Variants in KLHL20 observed in about 807,000 individuals in gnomAD.
The protein encoded by KLHL20 is kelch like family member 20.
Under a neutral mutation model 69.5 loss-of-function variants are expected in KLHL20, and 29 were observed. That is an observed-to-expected ratio of 0.42 (90% CI 0.31 to 0.57). The LOEUF (loss-of-function observed/expected upper bound fraction) is 0.57, where lower values mean the gene tolerates loss of function less well. KLHL20 is among the 20% of genes least tolerant of loss of function. The pLI is 0.18. For missense variants in KLHL20, 419 were observed against 776.0 expected (o/e 0.54, Z 5.47); for synonymous variants, 253 against 265.2 (o/e 0.95, Z 0.45).
At chr1:173,770,629 G>A (rs1299593654) in intron 8 of KLHL20, among the ~76,000 whole-genome samples, 1 of 149,398 alleles carries the variant, frequency 6.7e-6, no homozygotes, top group Non-Finnish European at 1.5e-5. Context: ...GCAGTGAGCC[G>A]AGGTCGCACC....
rs764762065 is a variant in KLHL20 at position 173,775,788 on chromosome 1, C to T, written c.1584C>T (p.Asn528=). The T allele has an allele frequency of 1.2e-6, 2 of 1,614,144 alleles. No homozygotes were observed. The highest frequency in any genetic ancestry group is 1.1e-5 in the South Asian group (1 of 91,076). ...AGCTGAGCAGTGCTGAGAGATACAA[C>T]CCCAGAACCAACCAGTGGTCTCCAG... is the stretch of plus-strand genomic sequence containing the variant. The part of the protein sequence containing the change: ...TTELSSAERY[N]PRTNQWSPVV... Residue 528 remains asparagine, a synonymous_variant, in exon 10 of 12, where the codon AAC becomes AAT. Coordinates refer to ENST00000209884, the MANE Select transcript of KLHL20 (RefSeq NM_014458.4).
chr1:173,743,146 G>A (rs1672903545), intron 3 of KLHL20, among the ~76,000 whole-genome samples: 4 of 146,092 alleles, frequency 2.7e-5, no homozygotes, highest in Admixed American at 6.8e-5. Context: ...GTGGTCAAAT[G>A]GAAAATAAAC....
At chr1:173,739,176 G>A (rs1299574264) in intron 3 of KLHL20, among the ~76,000 whole-genome samples, 2 of 151,888 alleles carry the variant, frequency 1.3e-5, no homozygotes, top group Non-Finnish European at 1.5e-5. Context: ...ACATTCAAGC[G>A]ATTCTCCTGC....
chr1:173,776,690 A>G (rs1648494974), intron 10 of KLHL20, among the ~76,000 whole-genome samples: 1 of 152,160 alleles, frequency 6.6e-6, no homozygotes, highest in African/African-American at 2.4e-5. Context: ...TTTCCCCAAT[A>G]TACGTTCCTA....
chr1:173,726,709 TAACA>T (rs1415718978), intron 2 of KLHL20, among the ~76,000 whole-genome samples: 1 of 152,056 alleles, frequency 6.6e-6, no homozygotes, highest in Non-Finnish European at 1.5e-5. Context: ...GAAGGAAAAC[TAACA>T]AACAGAAAAT....
chr1:173,745,071 C>A (rs1672990228), intron 3 of KLHL20, among the ~76,000 whole-genome samples: 1 of 151,808 alleles, frequency 6.6e-6, no homozygotes, highest in Admixed American at 6.6e-5. Flanking sequence ...GTTGAGTTGT[C>A]CTATCCAATA....
intron 11 of KLHL20, 26 bp from the exon 12 acceptor site, chr1:173,785,137 A>C: frequency 1.3e-6 from 2 of 1,592,170 alleles, no homozygotes. Flanking sequence ...CAGTTAGAAA[A>C]TATGATTATG....
chr1:173,783,881 A>G (rs1207419852), intron 11 of KLHL20, among the ~76,000 whole-genome samples: 1 of 150,220 alleles, frequency 6.7e-6, no homozygotes, highest in Non-Finnish European at 1.5e-5. Context: ...AAAAAAAAAG[A>G]TTTACTAAGT....
intron 10 of KLHL20, among the ~76,000 whole-genome samples, chr1:173,779,899 C>A (rs2102539440): frequency 6.6e-6 from 1 of 152,310 alleles, no homozygotes; most frequent in East Asian, 1.9e-4. Flanking sequence ...GGGACATGTT[C>A]TAGACCATGG....
intron 3 of KLHL20, among the ~76,000 whole-genome samples, chr1:173,748,229 G>A (rs868280852): frequency 4.7e-4 from 72 of 152,134 alleles, no homozygotes; most frequent in African/African-American, 1.7e-3. Context: ...AAAATGTAAA[G>A]AAGAAATAAC....
intron 3 of KLHL20, chr1:173,741,974 A>C: frequency 1.5e-6 from 1 of 681,310 alleles, no homozygotes. Flanking sequence ...CTCGATAAAC[A>C]CATTTTGGAT....
intron 7 of KLHL20, among the ~76,000 whole-genome samples, chr1:173,761,734 A>G (rs1647320464): frequency 6.6e-6 from 1 of 152,206 alleles, no homozygotes; most frequent in Admixed American, 6.5e-5. Flanking sequence ...ATACACAGCA[A>G]AGGCGGTGCT....
chr1:173,777,699 A>G (rs1337302832), intron 10 of KLHL20, among the ~76,000 whole-genome samples: 1 of 152,218 alleles, frequency 6.6e-6, no homozygotes, highest in Non-Finnish European at 1.5e-5. Flanking sequence ...TTCTGTTGAT[A>G]TGATGTACCA....
intron 4 of KLHL20, among the ~76,000 whole-genome samples, chr1:173,752,134 C>T (rs924612976): frequency 3.3e-5 from 5 of 151,172 alleles, no homozygotes; most frequent in African/African-American, 7.3e-5. Flanking sequence ...TACTTGGGAG[C>T]GTGAGGCAGG....
chr1:173,764,067 C>T (rs760341043), intron 7 of KLHL20, among the ~76,000 whole-genome samples: 3 of 152,002 alleles, frequency 2.0e-5, no homozygotes, highest in Non-Finnish European at 2.9e-5. Flanking sequence ...GGGCTAAGGA[C>T]GTGAATAAAC....
intron 2 of KLHL20, among the ~76,000 whole-genome samples, chr1:173,732,148 G>C (rs1052487546): frequency 6.6e-6 from 1 of 151,616 alleles, no homozygotes. Flanking sequence ...AGTGAGCCGA[G>C]ATTGCGCCAC....
At chr1:173,768,779 T>C (rs937580629) in intron 8 of KLHL20, among the ~76,000 whole-genome samples, 2 of 152,186 alleles carry the variant, frequency 1.3e-5, no homozygotes, top group African/African-American at 4.8e-5. Flanking sequence ...AATCAGAACC[T>C]GTGAACAAAA....
chr1:173,723,508 C>T (rs1159618818), intron 2 of KLHL20, among the ~76,000 whole-genome samples: 1 of 152,130 alleles, frequency 6.6e-6, no homozygotes, highest in Non-Finnish European at 1.5e-5. Context: ...CTAGAATGTC[C>T]TTATAGATTT....
intron 5 of KLHL20, among the ~76,000 whole-genome samples, chr1:173,754,308 C>T (rs574691513): frequency 1.3e-5 from 2 of 152,048 alleles, no homozygotes; most frequent in South Asian, 2.1e-4. Context: ...ACAGACAGGC[C>T]GGGCGCAGTG....
Sources: allele counts gnomAD v4.1 joint callset (sites outside exome capture counted in the v4.1 genomes callset), GRCh38; gene constraint gnomAD v4.1.1; transcripts MANE v1.5; gene names NCBI Gene and HGNC (gene_info 2026-07-23, HGNC 2026-07-21).